The following SFTPD variants were observed in gnomAD, a reference collection of about 807,000 sequenced individuals.
SFTPD encodes pulmonary surfactant-associated protein D.
SFTPD carries 18 observed loss-of-function variants against 34.6 expected under a neutral mutation model. The ratio of observed to expected loss-of-function variants is 0.52; its 90% CI spans 0.36 to 0.77. SFTPD has a LOEUF of 0.77. SFTPD is among the 30% of genes least tolerant of loss of function. SFTPD has a pLI of 0.00. For missense variants in SFTPD, 433 were observed against 468.9 expected, an observed-to-expected ratio of 0.92 and a Z score of 0.71; for synonymous variants, 155 against 180.9, an observed-to-expected ratio of 0.86 and a Z score of 1.15.
intron 1 of SFTPD, among the ~76,000 whole-genome samples, chr10:79,975,060 G>C (rs1383566438): frequency 6.6e-6 from 1 of 152,100 alleles, no homozygotes; most frequent in Non-Finnish European, 1.5e-5. Context: ...GATCTGGGGG[G>C]GTGTATTCCA....
chr10:79,942,778 C>T lies in SFTPD; in HGVS notation c.301G>A (p.Asp101Asn). ...GSVGEPGPKG[D>N]TGPSGPPGPP... ...AGTTGCTCACCACTTGGCCCAGTGT[C>T]TCCCTTTGGTCCAGGTTCTCCAACA... Residue 101 changes from aspartate (D) to asparagine (N), a missense_variant, in exon 3 of 8, where the codon GAC (aspartate) becomes AAC (asparagine). Coordinates refer to ENST00000372292, the MANE Select transcript of SFTPD (RefSeq NM_003019.5). 1 of 1,610,594 alleles carries T rather than the reference C, an allele frequency of 6.2e-7. No homozygotes were observed. Among genetic ancestry groups the T allele is most frequent in the Non-Finnish European group, 8.5e-7 (1 of 1,176,774 alleles).
At chr10:79,955,962 CAA>C (rs1181314001) in intron 1 of SFTPD, among the ~76,000 whole-genome samples, 12 of 151,716 alleles carry the variant, frequency 7.9e-5, no homozygotes, top group Non-Finnish European at 1.8e-4. Flanking sequence ...GAGTCAAAGA[CAA>C]AGAGGCAGAA....
intron 1 of SFTPD, among the ~76,000 whole-genome samples, chr10:79,976,138 T>C (rs1842863121): frequency 6.6e-6 from 1 of 152,230 alleles, no homozygotes; most frequent in Non-Finnish European, 1.5e-5. Flanking sequence ...ACAGTGGCCT[T>C]AAGAAAAACA....
chr10:79,958,841 A>AT (rs1842755548), intron 1 of SFTPD, among the ~76,000 whole-genome samples: 2 of 152,122 alleles, frequency 1.3e-5, no homozygotes, highest in Admixed American at 6.5e-5. Flanking sequence ...CAGAATATAC[A>AT]TTTTTTTCAG....
intron 1 of SFTPD, among the ~76,000 whole-genome samples, chr10:79,964,516 G>A (rs1013550405): frequency 6.6e-6 from 1 of 152,026 alleles, no homozygotes; most frequent in Non-Finnish European, 1.5e-5. Flanking sequence ...CCCACACAAG[G>A]CAAATGGTTC....
intron 1 of SFTPD, chr10:79,968,635 T>C (rs1044315943): frequency 2.6e-5 from 4 of 152,232 alleles, no homozygotes; most frequent in Admixed American, 2.6e-4. Flanking sequence ...TATGAATGCA[T>C]GTGTCTTTTC....
chr10:79,957,119 A>G (rs2132511049), intron 1 of SFTPD, among the ~76,000 whole-genome samples: 1 of 152,298 alleles, frequency 6.6e-6, no homozygotes, highest in East Asian at 1.9e-4. Flanking sequence ...ACTAACAAAC[A>G]GAAAGGACAT....
At chr10:79,950,150 G>C (rs368373168), upstream of SFTPD, 8 of 152,152 alleles carry the variant, frequency 5.3e-5, no homozygotes, top group African/African-American at 1.9e-4. Flanking sequence ...GCACCAATCT[G>C]TATCTTTTAA....
chr10:79,938,874 C>T (rs1842584240), intron 7 of SFTPD, among the ~76,000 whole-genome samples: 1 of 152,210 alleles, frequency 6.6e-6, no homozygotes, highest in Non-Finnish European at 1.5e-5. Flanking sequence ...CCTAGCCAGT[C>T]AGCCTGCCTG....
intron 1 of SFTPD, among the ~76,000 whole-genome samples, chr10:79,956,045 T>G (rs747852195): frequency 4.6e-5 from 7 of 152,250 alleles, no homozygotes; most frequent in Non-Finnish European, 8.8e-5. Context: ...AACAGAATTT[T>G]CATCTAAAAG....
chr10:79,948,025 G>C (rs1564530880), intron 1 of SFTPD, among the ~76,000 whole-genome samples: 2 of 152,244 alleles, frequency 1.3e-5, no homozygotes, highest in African/African-American at 4.8e-5. Flanking sequence ...GCCCAGAGGA[G>C]TGCCTTCTTC....
At chr10:79,950,816 A>G (rs567245512), upstream of SFTPD, 7 of 152,192 alleles carry the variant, frequency 4.6e-5, no homozygotes, top group Admixed American at 1.3e-4. Context: ...AGGAATGTCT[A>G]TATATTGTAT....
chr10:79,938,338 AC>A, intron 7 of SFTPD, 110 bp from the exon 8 acceptor site: 1 of 983,018 alleles, frequency 1.0e-6, no homozygotes, highest in Non-Finnish European at 1.5e-6. Context: ...CCAAACAGGC[AC>A]CGCATCAGGA....
intron 1 of SFTPD, among the ~76,000 whole-genome samples, chr10:79,966,962 CAGG>C (rs1392257779): frequency 6.9e-6 from 1 of 145,772 alleles, no homozygotes; most frequent in East Asian, 2.5e-4. Flanking sequence ...GGCAATCAGG[CAGG>C]AGAAGGAAAT....
At chr10:79,982,235 G>T in intron 1 of SFTPD, 1 of 771,474 alleles carries the variant, frequency 1.3e-6, no homozygotes, top group Non-Finnish European at 1.7e-6. Context: ...TAGCAACGGA[G>T]GAGCCAATGG....
chr10:79,955,887 C>T (rs1284148431), intron 1 of SFTPD, among the ~76,000 whole-genome samples: 1 of 152,202 alleles, frequency 6.6e-6, no homozygotes, highest in East Asian at 1.9e-4. Context: ...GGTATTACTT[C>T]TGTCTCCTGC....
At chr10:79,959,600 A>T (rs907951191) in intron 1 of SFTPD, among the ~76,000 whole-genome samples, 9 of 152,242 alleles carry the variant, frequency 5.9e-5, no homozygotes, top group African/African-American at 2.2e-4. Flanking sequence ...ACCAGGAAGA[A>T]GTTGAATCTC....
Position 79,942,545 on chromosome 10 carries a change from C to T in SFTPD, c.317-41G>A, listed in dbSNP as rs375939171. The T allele has an allele frequency of 2.5e-5, 34 of 1,359,312 alleles. No individual in the cohort carries two copies. In the African/African-American group the frequency reaches 4.1e-4, roughly 17 times the overall value. 84.2% of individuals were successfully genotyped at this position (1,359,312 alleles called of 1,614,324 possible). A position where few individuals can be genotyped will look rare whatever the true frequency, so the allele number is the denominator to read the frequency against. On this transcript the variant is annotated intron_variant, in intron 3 of 7. Coordinates refer to ENST00000372292, the MANE Select transcript of SFTPD (RefSeq NM_003019.5). ...AGCCCGGTCAGTAACAATGAATCCT[C>T]TTGGCAGGAGGAGTGTGTAGTAAGG...
chr10:79,963,339 C>T (rs947381034), intron 1 of SFTPD, among the ~76,000 whole-genome samples: 6 of 144,258 alleles, frequency 4.2e-5, no homozygotes, highest in South Asian at 2.4e-4. Flanking sequence ...AGAGTGAGAC[C>T]GTGTCTCTTA....
Sources: gnomAD v4.1 joint callset for allele counts (sites outside exome capture counted in the v4.1 genomes callset) on GRCh38, gnomAD v4.1.1 for gene constraint, MANE v1.5 for transcripts, NCBI Gene and HGNC (gene_info 2026-07-23, HGNC 2026-07-21) for gene names.